The following TMC7 variants were observed in gnomAD, a reference collection of about 807,000 sequenced individuals.
TMC7 encodes transmembrane channel like 7.
In TMC7, 54 loss-of-function variants were observed where a neutral mutation model predicts 82.9. The ratio of observed to expected loss-of-function variants is 0.65; its 90% CI spans 0.52 to 0.82. The LOEUF (loss-of-function observed/expected upper bound fraction) is 0.82, where lower values mean the gene tolerates loss of function less well. Ranked by LOEUF, TMC7 falls within the 40% of genes least tolerant of loss-of-function variation. TMC7 has a pLI of 0.00. For synonymous variants in TMC7, 350 were observed against 337.9 expected, an observed-to-expected ratio of 1.04 and a Z score of -0.39; for missense variants, 820 against 901.2, an observed-to-expected ratio of 0.91 and a Z score of 1.15.
At chr16:19,027,585 T>C (rs935871257) in intron 5 of TMC7, among the ~76,000 whole-genome samples, 3 of 152,046 alleles carry the variant, frequency 2.0e-5, no homozygotes, top group Non-Finnish European at 4.4e-5. Flanking sequence ...TCCCCTGTAA[T>C]TGTTACATTA....
intron 6 of TMC7, 119 bp downstream of exon 6, chr16:19,030,488 G>A: frequency 1.6e-6 from 2 of 1,236,176 alleles, no homozygotes; most frequent in Non-Finnish European, 2.2e-6. Context: ...TGGGTTTTGT[G>A]GGGAAGGGTT....
At chr16:19,030,579 T>TTC (rs1355114145) in intron 6 of TMC7, among the ~76,000 whole-genome samples, 2 of 134,472 alleles carry the variant, frequency 1.5e-5, no homozygotes, top group Non-Finnish European at 3.2e-5. Context: ...GAGGTTCTTC[T>TTC]TTTTTTTTTT....
intron 1 of TMC7, among the ~76,000 whole-genome samples, chr16:18,999,753 G>A (rs1167837109): frequency 6.6e-6 from 1 of 151,608 alleles, no homozygotes; most frequent in African/African-American, 2.4e-5. Flanking sequence ...GTCTGGGGAC[G>A]TTTTTTTGTT....
At chr16:19,048,797 C>T (rs1961400614) in intron 12 of TMC7, among the ~76,000 whole-genome samples, 1 of 152,038 alleles carries the variant, frequency 6.6e-6, no homozygotes, top group Non-Finnish European at 1.5e-5. Flanking sequence ...AATTTCTGTC[C>T]CTTCTTCCAG....
intron 1 of TMC7, 37 bp downstream of exon 1, chr16:18,984,167 C>CT (rs1375447149): frequency 6.8e-6 from 10 of 1,474,550 alleles, no homozygotes; most frequent in Non-Finnish European, 8.9e-6. Flanking sequence ...GACGGTGCCC[C>CT]TGGGGTCCGA....
rs146675358 is a variant in TMC7 at position 19,061,855 on chromosome 16, G to A, written c.*12G>A. On this transcript the variant is annotated 3_prime_UTR_variant, in exon 16 of 16. Coordinates refer to ENST00000304381, the MANE Select transcript of TMC7 (RefSeq NM_024847.4). ...ACATGAGGAACTAACTAGACTGAGC[G>A]TGAAGATGGTGCTGCCTGTTGCTTC... 535 of 1,611,566 alleles carry A rather than the reference G, an allele frequency of 3.3e-4. 2 individuals carry two copies. In the East Asian group the frequency reaches 0.011, roughly 33 times the overall value.
intron 1 of TMC7, among the ~76,000 whole-genome samples, chr16:18,995,439 T>A (rs1005384758): frequency 6.6e-6 from 1 of 152,172 alleles, no homozygotes; most frequent in Non-Finnish European, 1.5e-5. Context: ...TCAGCGAGCC[T>A]TGGGCCAGAG....
At chr16:19,000,072 G>T (rs1043410251) in intron 1 of TMC7, among the ~76,000 whole-genome samples, 1 of 151,640 alleles carries the variant, frequency 6.6e-6, no homozygotes, top group Non-Finnish European at 1.5e-5. Flanking sequence ...GAGCCACCAC[G>T]CCGGGCAGAG....
At chr16:19,059,348 T>G in intron 14 of TMC7, 68 bp from the exon 15 acceptor site, 2 of 1,574,116 alleles carry the variant, frequency 1.3e-6, no homozygotes, top group African/African-American at 1.4e-5. Flanking sequence ...AAAAATATGT[T>G]GGGTTATTTT....
At chr16:19,001,749 G>C (rs1442287709) in intron 1 of TMC7, among the ~76,000 whole-genome samples, 2 of 152,170 alleles carry the variant, frequency 1.3e-5, no homozygotes, top group Non-Finnish European at 2.9e-5. Context: ...TGGGTACTTA[G>C]GAGCTATGTG....
chr16:19,005,069 T>C (rs1461678460), intron 1 of TMC7, among the ~76,000 whole-genome samples: 1 of 131,178 alleles, frequency 7.6e-6, no homozygotes, highest in Non-Finnish European at 1.6e-5. Context: ...TATTTATTTA[T>C]TTATTTATTT....
At chr16:19,023,647 A>G (rs750373437) in intron 5 of TMC7, among the ~76,000 whole-genome samples, 2 of 152,084 alleles carry the variant, frequency 1.3e-5, no homozygotes, top group Non-Finnish European at 2.9e-5. Flanking sequence ...GAGTTTCACC[A>G]TGTTGGCCAG....
At chr16:19,014,522 G>A (rs186097933) in intron 2 of TMC7, among the ~76,000 whole-genome samples, 16 of 152,350 alleles carry the variant, frequency 1.1e-4, no homozygotes, top group African/African-American at 3.4e-4. Flanking sequence ...ACTGGTGGGA[G>A]GGTGGAGGCG....
chr16:18,988,157 T>TTTC (rs1200747632), intron 1 of TMC7, among the ~76,000 whole-genome samples: 13 of 121,754 alleles, frequency 1.1e-4, no homozygotes, highest in African/African-American at 4.2e-4. Context: ...TCTCTCTTTC[T>TTTC]TTTTTTTTTT....
intron 1 of TMC7, among the ~76,000 whole-genome samples, chr16:18,996,275 G>T (rs2039042442): frequency 1.3e-5 from 2 of 152,168 alleles, no homozygotes; most frequent in South Asian, 4.1e-4. Context: ...GCTTGGGGTG[G>T]TGACTGAGGG....
In TMC7 at chr16:19,049,657, C is replaced by A. The variant is rs1228514117; in HGVS notation, c.1741-2029C>A. 3 of 985,136 alleles carry A rather than the reference C, an allele frequency of 3.0e-6. No homozygotes were observed. The African/African-American group carries it at 5.2e-5, about 17-fold the overall frequency. 61.0% of individuals were successfully genotyped at this position (985,136 alleles called of 1,614,324 possible). On this transcript the variant is annotated intron_variant, in intron 12 of 15. Transcript: ENST00000304381. ...TTCGCAGTGTGTAGCATAGTACAGA[C>A]ACTGTGGGGTGATGGGTTGGGTCAT... is the stretch of plus-strand genomic sequence containing the variant.
chr16:19,029,369 A>G (rs1438303542), intron 5 of TMC7, among the ~76,000 whole-genome samples: 1 of 152,048 alleles, frequency 6.6e-6, no homozygotes, highest in African/African-American at 2.4e-5. Flanking sequence ...GCTATGGCAC[A>G]TGGAATTTTA....
intron 1 of TMC7, among the ~76,000 whole-genome samples, chr16:19,005,795 C>A (rs1036743140): frequency 6.6e-6 from 1 of 152,164 alleles, no homozygotes; most frequent in African/African-American, 2.4e-5. Flanking sequence ...CCCACCCTAC[C>A]CTCATATTGG....
intron 1 of TMC7, among the ~76,000 whole-genome samples, chr16:19,003,394 C>A (rs1274808867): frequency 6.7e-6 from 1 of 148,950 alleles, no homozygotes; most frequent in African/African-American, 2.5e-5. Context: ...CCGCCCCGTC[C>A]GGGAGGGAGG....
Sources: allele counts gnomAD v4.1 joint callset (sites outside exome capture counted in the v4.1 genomes callset), GRCh38; gene constraint gnomAD v4.1.1; transcripts MANE v1.5; gene names NCBI Gene and HGNC (gene_info 2026-07-23, HGNC 2026-07-21).